MAGI2: variants seen among roughly 807,000 people sequenced by gnomAD.
The protein encoded by MAGI2 is membrane associated guanylate kinase, WW and PDZ domain containing 2.
In MAGI2, 35 loss-of-function variants were observed where a neutral mutation model predicts 133.3. The ratio of observed to expected loss-of-function variants is 0.26; its 90% CI spans 0.20 to 0.35. MAGI2 has a LOEUF of 0.35. Ranked by LOEUF, MAGI2 falls within the 10% of genes least tolerant of loss-of-function variation. MAGI2 has a pLI of 1.00. For missense variants in MAGI2, 1,636 were observed against 1,863.4 expected (o/e 0.88, Z 2.25); for synonymous variants, 729 against 710.6 (o/e 1.03, Z -0.41).
At chr7:79,171,770 ATTTTTTT>A (rs144599296) in intron 1 of MAGI2, among the ~76,000 whole-genome samples, 1,452 of 31,246 alleles carry the variant, frequency 0.046, 106 homozygotes, top group East Asian at 0.15. Context: ...ATATATATAT[ATTTTTTT>A]TTTTTTTTTC....
chr7:78,533,598 A>G (rs1333796789), intron 3 of MAGI2, among the ~76,000 whole-genome samples: 3 of 152,234 alleles, frequency 2.0e-5, no homozygotes, highest in Non-Finnish European at 4.4e-5. Flanking sequence ...CACTTGTTAC[A>G]TCTGGCTGTT....
intron 7 of MAGI2, among the ~76,000 whole-genome samples, chr7:78,361,171 G>A (rs2151235446): frequency 6.6e-6 from 1 of 152,240 alleles, no homozygotes; most frequent in East Asian, 1.9e-4. Context: ...TGAGGCGGGT[G>A]GATCACGAGG....
At chr7:78,810,293 G>A (rs1788930905) in intron 2 of MAGI2, among the ~76,000 whole-genome samples, 1 of 152,018 alleles carries the variant, frequency 6.6e-6, no homozygotes, top group Non-Finnish European at 1.5e-5. Flanking sequence ...ATATTATTTT[G>A]CTGATCATAT....
At chr7:79,071,469 C>G (rs1380979418) in intron 1 of MAGI2, among the ~76,000 whole-genome samples, 1 of 152,132 alleles carries the variant, frequency 6.6e-6, no homozygotes, top group Non-Finnish European at 1.5e-5. Context: ...TATCAGAGCT[C>G]GAACGCTGTG....
intron 3 of MAGI2, among the ~76,000 whole-genome samples, chr7:78,525,503 A>C (rs541144466): frequency 5.3e-5 from 8 of 152,218 alleles, no homozygotes; most frequent in Non-Finnish European, 1.0e-4. Flanking sequence ...TCAGAAAAAA[A>C]TAAATATCAA....
chr7:78,197,359 G>T (rs942489986), intron 11 of MAGI2, among the ~76,000 whole-genome samples: 6 of 152,110 alleles, frequency 3.9e-5, no homozygotes, highest in Non-Finnish European at 8.8e-5. Context: ...TAGAAATATG[G>T]TCTGGGGAGC....
chr7:78,362,016 A>AG (rs1181481206), intron 7 of MAGI2, among the ~76,000 whole-genome samples: 1 of 151,986 alleles, frequency 6.6e-6, no homozygotes, highest in Non-Finnish European at 1.5e-5. Flanking sequence ...AAAACATTTG[A>AG]GGGGGCTGGG....
At chr7:78,295,898 A>G (rs1797180803) in intron 9 of MAGI2, among the ~76,000 whole-genome samples, 1 of 152,146 alleles carries the variant, frequency 6.6e-6, no homozygotes, top group African/African-American at 2.4e-5. Flanking sequence ...ATTCAGGACA[A>G]AAACTTTACA....
intron 1 of MAGI2, among the ~76,000 whole-genome samples, chr7:79,432,142 C>T (rs1186049289): frequency 6.6e-6 from 1 of 152,154 alleles, no homozygotes; most frequent in Non-Finnish European, 1.5e-5. Flanking sequence ...CCTGGTCAAA[C>T]CAGTTCAAAA....
intron 10 of MAGI2, among the ~76,000 whole-genome samples, chr7:78,231,295 G>A (rs929656269): frequency 6.6e-6 from 1 of 152,168 alleles, no homozygotes; most frequent in Admixed American, 6.5e-5. Flanking sequence ...GGTGAGAAAG[G>A]GTCAGAGTAT....
At chr7:79,017,096 C>A (rs1396514921) in intron 1 of MAGI2, among the ~76,000 whole-genome samples, 1 of 152,264 alleles carries the variant, frequency 6.6e-6, no homozygotes, top group Non-Finnish European at 1.5e-5. Flanking sequence ...ATGCAACTTG[C>A]AGCACTGCCG....
chr7:78,591,630 T>G (rs1261594782), intron 3 of MAGI2, among the ~76,000 whole-genome samples: 1 of 152,146 alleles, frequency 6.6e-6, no homozygotes, highest in Non-Finnish European at 1.5e-5. Context: ...AGTCTCTGAG[T>G]TGGAATATGG....
chr7:78,863,204 G>C (rs140590570), intron 2 of MAGI2, among the ~76,000 whole-genome samples: 2 of 152,236 alleles, frequency 1.3e-5, no homozygotes, highest in East Asian at 3.8e-4. Context: ...GCAATGGAGG[G>C]AAGGCCTCCT....
chr7:78,408,011 T>C (rs1050724371), intron 6 of MAGI2, among the ~76,000 whole-genome samples: 2 of 152,082 alleles, frequency 1.3e-5, no homozygotes, highest in African/African-American at 2.4e-5. Flanking sequence ...GAAGGGATAG[T>C]CTAACTTTTC....
At chr7:78,810,115 C>A (rs1411371270) in intron 2 of MAGI2, among the ~76,000 whole-genome samples, 1 of 151,830 alleles carries the variant, frequency 6.6e-6, no homozygotes, top group Non-Finnish European at 1.5e-5. Context: ...CTGTGTTTTT[C>A]TTTTTTAGGA....
intron 6 of MAGI2, among the ~76,000 whole-genome samples, chr7:78,438,292 G>T (rs1396558869): frequency 6.6e-6 from 1 of 151,128 alleles, no homozygotes; most frequent in Non-Finnish European, 1.5e-5. Flanking sequence ...AAAATCCTGA[G>T]CCCATTAGGT....
intron 12 of MAGI2, 152 bp from the exon 13 acceptor site, chr7:78,185,822 G>A (rs970982057): frequency 6.5e-5 from 33 of 504,434 alleles, no homozygotes; most frequent in African/African-American, 6.2e-4. Flanking sequence ...CCAAGTTAGT[G>A]GACAAATTTA....
intron 6 of MAGI2, among the ~76,000 whole-genome samples, chr7:78,483,821 AC>A (rs1350061861): frequency 2.0e-5 from 3 of 151,980 alleles, no homozygotes; most frequent in Admixed American, 6.6e-5. Flanking sequence ...TTCATTTTTT[AC>A]AAACATATAT....
At chr7:79,171,235 T>A (rs1465374150) in intron 1 of MAGI2, among the ~76,000 whole-genome samples, 1 of 152,074 alleles carries the variant, frequency 6.6e-6, no homozygotes, top group African/African-American at 2.4e-5. Flanking sequence ...TTCCAAGACC[T>A]TCTCTTAGCT....
Sources: gnomAD v4.1 joint callset for allele counts (sites outside exome capture counted in the v4.1 genomes callset) on GRCh38, gnomAD v4.1.1 for gene constraint, MANE v1.5 for transcripts, NCBI Gene and HGNC (gene_info 2026-07-23, HGNC 2026-07-21) for gene names.